The following C8orf34 variants were observed in gnomAD, a reference collection of about 807,000 sequenced individuals.
C8orf34 encodes the protein uncharacterized protein C8orf34.
Under a neutral mutation model 68.3 loss-of-function variants are expected in C8orf34, and 65 were observed. The observed-to-expected ratio is 0.95, with a 90% CI of 0.78 to 1.17. The LOEUF is 1.17. Ranked by LOEUF, C8orf34 falls within the 50% of genes most tolerant of loss-of-function variation. The pLI, the probability that C8orf34 is intolerant of heterozygous loss-of-function variation, is 0.00. For missense variants in C8orf34, 664 were observed against 655.4 expected (o/e 1.01, Z -0.14); for synonymous variants, 244 against 241.2 (o/e 1.01, Z -0.11).
chr8:68,468,583 C>G, intron 3 of C8orf34, 109 bp from the exon 4 acceptor site: 1 of 1,085,670 alleles, frequency 9.2e-7, no homozygotes, highest in Non-Finnish European at 1.3e-6. Context: ...AAGATAAACA[C>G]TTTTTATTCT....
intron 12 of C8orf34, among the ~76,000 whole-genome samples, chr8:68,789,438 A>C (rs1268516668): frequency 3.3e-5 from 5 of 152,192 alleles, no homozygotes; most frequent in Non-Finnish European, 5.9e-5. Context: ...CTTTTCCTTA[A>C]ATCCATATAT....
chr8:68,586,496 T>TA (rs1192631119), intron 7 of C8orf34, among the ~76,000 whole-genome samples: 1 of 152,148 alleles, frequency 6.6e-6, no homozygotes, highest in African/African-American at 2.4e-5. Context: ...AACTGGAGAA[T>TA]AAAATCTATT....
chr8:68,628,392 T>C (rs1402800280), intron 7 of C8orf34, among the ~76,000 whole-genome samples: 3 of 152,284 alleles, frequency 2.0e-5, no homozygotes, highest in Middle Eastern at 3.4e-3. Context: ...TCAACCAGAA[T>C]ATGTCCCAAC....
chr8:68,725,844 G>A (rs977225119), intron 10 of C8orf34, among the ~76,000 whole-genome samples: 10 of 152,268 alleles, frequency 6.6e-5, no homozygotes, highest in Admixed American at 2.6e-4. Flanking sequence ...GTTAACACCT[G>A]TAATGAAAAG....
chr8:68,788,026 C>T (rs1480849968), intron 12 of C8orf34, among the ~76,000 whole-genome samples: 1 of 152,094 alleles, frequency 6.6e-6, no homozygotes, highest in Non-Finnish European at 1.5e-5. Flanking sequence ...GTTCAAGTCA[C>T]CATATTCTAA....
intron 10 of C8orf34, among the ~76,000 whole-genome samples, chr8:68,775,044 G>A (rs1014959986): frequency 1.2e-4 from 18 of 150,072 alleles, no homozygotes; most frequent in African/African-American, 3.2e-4. Context: ...CTTGAACCTG[G>A]GAGGCGGAAG....
Position 68,512,296 on chromosome 8 carries a change from G to A in C8orf34, c.766-9503G>A, listed in dbSNP as rs544627485. On this transcript the variant is annotated intron_variant, in intron 5 of 13. Transcript: ENST00000518698. ...ATACAATTTTGGAACATACATTAGCGTTATTCACAAAAATATAACCTAAAG... is the reference window on the plus strand; with the variant it reads ...ATACAATTTTGGAACATACATTAGCATTATTCACAAAAATATAACCTAAAG... Among the ~76,000 whole-genome samples the A allele has an allele frequency of 3.3e-5, 5 of 152,192 alleles. No individual in the cohort carries two copies. In the South Asian group the frequency reaches 6.2e-4, roughly 19 times the overall value.
intron 8 of C8orf34, among the ~76,000 whole-genome samples, chr8:68,705,795 A>G (rs536134223): frequency 1.1e-3 from 163 of 150,926 alleles, no homozygotes; most frequent in Non-Finnish European, 1.6e-3. Flanking sequence ...TGATAGTGGG[A>G]AAAAAAAACA....
intron 5 of C8orf34, among the ~76,000 whole-genome samples, chr8:68,488,616 G>A (rs1167378635): frequency 6.6e-6 from 1 of 152,154 alleles, no homozygotes; most frequent in Non-Finnish European, 1.5e-5. Flanking sequence ...ATCAGTCAAT[G>A]ATGGATTGCT....
chr8:68,355,438 A>G (rs542962509), intron 1 of C8orf34, among the ~76,000 whole-genome samples: 4 of 152,232 alleles, frequency 2.6e-5, no homozygotes, highest in Admixed American at 2.6e-4. Context: ...CACTGTGAGG[A>G]ATTTATGAGG....
chr8:68,491,181 G>T (rs1313519907), intron 5 of C8orf34, among the ~76,000 whole-genome samples: 1 of 151,380 alleles, frequency 6.6e-6, no homozygotes, highest in Non-Finnish European at 1.5e-5. Context: ...AAGGTAATAA[G>T]AATCATTAAT....
chr8:68,659,002 T>C (rs1003806894), intron 8 of C8orf34, among the ~76,000 whole-genome samples: 1 of 152,192 alleles, frequency 6.6e-6, no homozygotes, highest in African/African-American at 2.4e-5. Context: ...TTCATGTACT[T>C]TACAATTTTT....
At chr8:68,475,026 G>A (rs1327480317) in intron 4 of C8orf34, among the ~76,000 whole-genome samples, 1 of 152,126 alleles carries the variant, frequency 6.6e-6, no homozygotes, top group Non-Finnish European at 1.5e-5. Flanking sequence ...AAGTGCTCCA[G>A]GATCTGGCCG....
At chr8:68,427,648 A>G (rs1250498325) in intron 1 of C8orf34, among the ~76,000 whole-genome samples, 1 of 152,068 alleles carries the variant, frequency 6.6e-6, no homozygotes, top group African/African-American at 2.4e-5. Flanking sequence ...TAGTCACACT[A>G]CAATAAAATT....
At chr8:68,561,908 G>A (rs1187625097) in intron 7 of C8orf34, among the ~76,000 whole-genome samples, 1 of 152,136 alleles carries the variant, frequency 6.6e-6, no homozygotes, top group African/African-American at 2.4e-5. Flanking sequence ...GTGGGTACAT[G>A]GAGCTGCCAT....
At chr8:68,533,936 A>G in intron 7 of C8orf34, 1 of 843,522 alleles carries the variant, frequency 1.2e-6, no homozygotes, top group Non-Finnish European at 1.4e-6. Context: ...CTTTATAACA[A>G]TATGCTGTTG....
chr8:68,479,233 G>A (rs951638320), intron 4 of C8orf34, among the ~76,000 whole-genome samples: 1 of 152,114 alleles, frequency 6.6e-6, no homozygotes, highest in African/African-American at 2.4e-5. Flanking sequence ...GGACAGCAGT[G>A]AAGAGAGATG....
intron 1 of C8orf34, among the ~76,000 whole-genome samples, chr8:68,424,918 A>T (rs1044854296): frequency 6.6e-6 from 1 of 152,048 alleles, no homozygotes. Context: ...TAATAATAAT[A>T]ATTATAATCA....
chr8:68,644,539 A>G (rs1437264741), intron 8 of C8orf34, among the ~76,000 whole-genome samples: 1 of 152,182 alleles, frequency 6.6e-6, no homozygotes, highest in Non-Finnish European at 1.5e-5. Context: ...CAAAGTAATA[A>G]GTATACCAAA....
Sources: gnomAD v4.1 joint callset for allele counts (sites outside exome capture counted in the v4.1 genomes callset) on GRCh38, gnomAD v4.1.1 for gene constraint, MANE v1.5 for transcripts, NCBI Gene and HGNC (gene_info 2026-07-23, HGNC 2026-07-21) for gene names.